Variants in SRGAP1 observed in about 807,000 individuals in gnomAD.
SRGAP1 encodes SLIT-ROBO Rho GTPase activating protein 1, also known as SLIT-ROBO Rho GTPase-activating protein 1.
SRGAP1 carries 43 observed loss-of-function variants against 121.9 expected under a neutral mutation model. The ratio of observed to expected loss-of-function variants is 0.35; its 90% confidence interval spans 0.28 to 0.46. The LOEUF is 0.46. SRGAP1 is among the 20% of genes least tolerant of loss of function. The probability of loss-of-function intolerance (pLI) is 1.00; values close to 1 mark genes in which losing one functional copy is unlikely to be tolerated. For missense variants in SRGAP1, 1,102 were observed against 1,350.9 expected, an observed-to-expected ratio of 0.82 and a Z score of 2.89; for synonymous variants, 447 against 485.4, an observed-to-expected ratio of 0.92 and a Z score of 1.04.
chr12:63,939,560 T>C (rs944255022), intron 1 of SRGAP1, among the ~76,000 whole-genome samples: 3 of 152,232 alleles, frequency 2.0e-5, no homozygotes, highest in Admixed American at 1.3e-4. Context: ...ATGCACCCCA[T>C]AGTGTTTGAA....
chr12:64,074,788 A>T (rs2035704245), intron 8 of SRGAP1, among the ~76,000 whole-genome samples: 1 of 152,188 alleles, frequency 6.6e-6, no homozygotes, highest in Admixed American at 6.5e-5. Context: ...TCCATTTTTT[A>T]AAAGTATTAT....
At chr12:64,006,449 G>C (rs776111800) in intron 3 of SRGAP1, among the ~76,000 whole-genome samples, 1 of 152,204 alleles carries the variant, frequency 6.6e-6, no homozygotes, top group Non-Finnish European at 1.5e-5. Flanking sequence ...AGTAACAGCT[G>C]TCTGAGGTCT....
At chr12:64,025,756 AAG>A (rs1467567655) in intron 4 of SRGAP1, among the ~76,000 whole-genome samples, 1 of 152,174 alleles carries the variant, frequency 6.6e-6, no homozygotes, top group Non-Finnish European at 1.5e-5. Context: ...AGTGGAAAGA[AAG>A]AGGGACTGGG....
At chr12:63,891,744 T>C (rs1435263569) in intron 1 of SRGAP1, among the ~76,000 whole-genome samples, 1 of 152,098 alleles carries the variant, frequency 6.6e-6, no homozygotes. Context: ...CCCAGTACTT[T>C]GGGAGACCGA....
chr12:64,015,137 C>T (rs1273209325), intron 3 of SRGAP1, among the ~76,000 whole-genome samples: 1 of 152,128 alleles, frequency 6.6e-6, no homozygotes, highest in Admixed American at 6.5e-5. Flanking sequence ...TTTAGACTTG[C>T]TACCTGAAAC....
At chr12:63,867,712 C>T (rs551290764) in intron 1 of SRGAP1, among the ~76,000 whole-genome samples, 2 of 151,978 alleles carry the variant, frequency 1.3e-5, no homozygotes, top group South Asian at 4.2e-4. Flanking sequence ...GAGTTGCTAT[C>T]ATAATATTAT....
intron 1 of SRGAP1, among the ~76,000 whole-genome samples, chr12:63,969,344 G>A (rs1029465211): frequency 1.3e-5 from 2 of 152,088 alleles, no homozygotes; most frequent in African/African-American, 4.8e-5. Flanking sequence ...TAAAGCGGTG[G>A]GGGTGGGGAG....
intron 4 of SRGAP1, among the ~76,000 whole-genome samples, chr12:64,028,582 A>G (rs1230677532): frequency 1.3e-5 from 2 of 152,226 alleles, no homozygotes; most frequent in African/African-American, 2.4e-5. Flanking sequence ...TAGAGCTGGG[A>G]CATCCAAGAT....
Position 64,108,923 on chromosome 12 carries a change from T to G in SRGAP1, c.1814-9T>G. 1 of 1,582,336 alleles carries G rather than the reference T, an allele frequency of 6.3e-7. No individual in the cohort carries two copies. The highest frequency in any genetic ancestry group is 8.6e-7 in the Non-Finnish European group (1 of 1,159,008). ...AAAGGACTCTGACCATGTCATCTTCTGTCTGTAGGAATAGATAATCTCTAT... is the reference window on the plus strand; with the variant it reads ...AAAGGACTCTGACCATGTCATCTTCGGTCTGTAGGAATAGATAATCTCTAT... On this transcript the variant is annotated splice_polypyrimidine_tract_variant and intron_variant, in intron 15 of 21. Transcript: ENST00000355086.
intron 1 of SRGAP1, among the ~76,000 whole-genome samples, chr12:63,845,358 C>T (rs182880736): frequency 6.6e-6 from 1 of 152,178 alleles, no homozygotes; most frequent in African/African-American, 2.4e-5. Flanking sequence ...TTACACCACT[C>T]ACCTATTTAC....
chr12:63,928,666 G>A (rs971606832), intron 1 of SRGAP1, among the ~76,000 whole-genome samples: 13 of 151,012 alleles, frequency 8.6e-5, no homozygotes, highest in South Asian at 2.1e-4. Flanking sequence ...GGGTGGGGGC[G>A]GTGGTGGGGA....
intron 1 of SRGAP1, among the ~76,000 whole-genome samples, chr12:63,890,900 C>T (rs967073717): frequency 3.3e-5 from 5 of 152,220 alleles, no homozygotes; most frequent in Non-Finnish European, 7.3e-5. Context: ...CTTTATGTTT[C>T]CACCATCTTG....
rs1184810851 is a variant in SRGAP1 at position 64,003,056 on chromosome 12, GAGAA to G, written c.426+12991_426+12994del. On this transcript the variant is annotated intron_variant, in intron 3 of 21. Transcript: ENST00000355086. ...AGAGAGAGAGAGAGAGAGAGAAAGA[GAGAA>G]AGAAAGGGAGGGAGGGAGGAAGGGA... Among the ~76,000 whole-genome samples the G allele has an allele frequency of 1.5e-3, 201 of 134,000 alleles. 1 individual carries two copies. The highest frequency in any genetic ancestry group is 4.2e-3 in the African/African-American group (154 of 36,616). The allele number at this position is 134,000 out of a possible 152,430, so 87.9% of individuals were successfully genotyped here.
chr12:64,051,195 G>A (rs1323091056), intron 6 of SRGAP1, among the ~76,000 whole-genome samples: 1 of 152,168 alleles, frequency 6.6e-6, no homozygotes, highest in Non-Finnish European at 1.5e-5. Flanking sequence ...TAAGCACTTT[G>A]CAATAGAATA....
chr12:63,861,660 T>C (rs1352530011), intron 1 of SRGAP1, among the ~76,000 whole-genome samples: 2 of 152,122 alleles, frequency 1.3e-5, no homozygotes, highest in African/African-American at 4.8e-5. Flanking sequence ...CTAATTTCCA[T>C]GATTATTATT....
At chr12:64,139,376 G>T (rs962504964) in intron 21 of SRGAP1, among the ~76,000 whole-genome samples, 1 of 152,198 alleles carries the variant, frequency 6.6e-6, no homozygotes, top group African/African-American at 2.4e-5. Context: ...ATGAATGAAT[G>T]AAGCCAGATT....
chr12:63,968,891 TG>T (rs2032856996), intron 1 of SRGAP1, among the ~76,000 whole-genome samples: 1 of 152,158 alleles, frequency 6.6e-6, no homozygotes, highest in African/African-American at 2.4e-5. Context: ...AAGCATCCAA[TG>T]GAGTGGCAGA....
At chr12:63,991,628 C>T (rs919978742) in intron 3 of SRGAP1, among the ~76,000 whole-genome samples, 3 of 152,050 alleles carry the variant, frequency 2.0e-5, no homozygotes, top group African/African-American at 4.8e-5. Context: ...GCAGAGATCT[C>T]GTTTGGTTCA....
intron 1 of SRGAP1, among the ~76,000 whole-genome samples, chr12:63,890,725 A>G (rs1360176476): frequency 6.6e-6 from 1 of 152,140 alleles, no homozygotes; most frequent in Non-Finnish European, 1.5e-5. Context: ...CTGCAAAATC[A>G]AAGCTCTTCA....
Sources: allele counts gnomAD v4.1 joint callset (sites outside exome capture counted in the v4.1 genomes callset), GRCh38; gene constraint gnomAD v4.1.1; transcripts MANE v1.5; gene names NCBI Gene and HGNC (gene_info 2026-07-23, HGNC 2026-07-21).